The following BATF variants were observed in gnomAD, a reference collection of about 807,000 sequenced individuals.
BATF encodes the protein basic leucine zipper ATF-like transcription factor, also known as basic leucine zipper transcriptional factor ATF-like.
In BATF, 5 loss-of-function variants were observed where a neutral mutation model predicts 13.7. The observed-to-expected ratio is 0.36, with a 90% CI of 0.19 to 0.77. The LOEUF is 0.77. BATF is among the 30% of genes least tolerant of loss of function. The probability of loss-of-function intolerance (pLI) is 0.51; values close to 1 mark genes in which losing one functional copy is unlikely to be tolerated. For missense variants in BATF, 124 were observed against 163.0 expected (o/e 0.76, Z 1.30); for synonymous variants, 72 against 67.5 (o/e 1.07, Z -0.33).
intron 2 of BATF, among the ~76,000 whole-genome samples, chr14:75,539,989 G>A (rs775522995): frequency 1.3e-5 from 2 of 152,142 alleles, no homozygotes; most frequent in African/African-American, 4.8e-5. Context: ...AGCTTCGAAC[G>A]CCACTTAAGT....
chr14:75,530,551 A>T (rs566719960), intron 2 of BATF, among the ~76,000 whole-genome samples: 1 of 152,364 alleles, frequency 6.6e-6, no homozygotes, highest in African/African-American at 2.4e-5. Flanking sequence ...ATGTTAAAAT[A>T]ATGAGTTACA....
chr14:75,544,792 A>ATTTTTTTT (rs55834315), intron 2 of BATF, among the ~76,000 whole-genome samples: 4 of 134,208 alleles, frequency 3.0e-5, no homozygotes, highest in Non-Finnish European at 4.7e-5. Context: ...TTGAACTGAA[A>ATTTTTTTT]TTTTTTTTTT....
intron 2 of BATF, among the ~76,000 whole-genome samples, chr14:75,535,577 T>A (rs905103048): frequency 6.6e-6 from 1 of 152,238 alleles, no homozygotes; most frequent in African/African-American, 2.4e-5. Flanking sequence ...CTGAAGGAAC[T>A]CTGGAGGACA....
intron 2 of BATF, among the ~76,000 whole-genome samples, chr14:75,537,064 C>A (rs766207982): frequency 6.6e-6 from 1 of 152,160 alleles, no homozygotes; most frequent in East Asian, 1.9e-4. Context: ...TGCTTATAAA[C>A]TCTTTAAGGA....
At chr14:75,536,480 C>A (rs1397245706) in intron 2 of BATF, among the ~76,000 whole-genome samples, 1 of 152,106 alleles carries the variant, frequency 6.6e-6, no homozygotes, top group Non-Finnish European at 1.5e-5. Context: ...AATCCCAGCA[C>A]TTTGGGAGGC....
chr14:75,528,364 G>A (rs1203654637), intron 2 of BATF, among the ~76,000 whole-genome samples: 1 of 152,230 alleles, frequency 6.6e-6, no homozygotes, highest in Non-Finnish European at 1.5e-5. Context: ...TTCCTCTAGT[G>A]AGAGTGTGGG....
intron 2 of BATF, among the ~76,000 whole-genome samples, chr14:75,532,159 T>C (rs758691449): frequency 6.6e-5 from 10 of 152,240 alleles, no homozygotes; most frequent in Non-Finnish European, 4.4e-5. Flanking sequence ...AGCTTGTGAC[T>C]AGGTCTGTCT....
At chr14:75,546,002 G>A (rs1267734570) in intron 2 of BATF, among the ~76,000 whole-genome samples, 1 of 151,906 alleles carries the variant, frequency 6.6e-6, no homozygotes, top group African/African-American at 2.4e-5. Flanking sequence ...GGGACTACAG[G>A]CGCACTGCCA....
At chr14:75,545,376 C>T (rs1053485370) in intron 2 of BATF, among the ~76,000 whole-genome samples, 4 of 148,070 alleles carry the variant, frequency 2.7e-5, no homozygotes, top group Admixed American at 6.8e-5. Context: ...TGTGCACCAC[C>T]ACGCCTGGTT....
At chr14:75,528,494 A>T (rs1459731813) in intron 2 of BATF, among the ~76,000 whole-genome samples, 2 of 152,212 alleles carry the variant, frequency 1.3e-5, no homozygotes, top group Admixed American at 1.3e-4. Context: ...TGATTGTGTT[A>T]TAAATCCCTG....
Position 75,522,765 on chromosome 14 carries a change from C to G in BATF, c.63+20C>G, listed in dbSNP as rs746724656. The G allele has an allele frequency of 6.2e-7, 1 of 1,613,826 alleles. No individual in the cohort carries two copies. On this transcript the variant is annotated intron_variant, in intron 1 of 2. Coordinates refer to ENST00000286639, the MANE Select transcript of BATF (RefSeq NM_006399.5). ...AAACAGGTAGAGTCCTCCTTTTTCT[C>G]TCTCCTACCTTCTGATTCTCCTGGG...
intron 2 of BATF, among the ~76,000 whole-genome samples, chr14:75,541,652 A>AT (rs1887897900): frequency 6.6e-6 from 1 of 152,068 alleles, no homozygotes; most frequent in East Asian, 1.9e-4. Flanking sequence ...CCAAGGACTT[A>AT]TTTTTTTGTT....
At chr14:75,530,367 C>G (rs1398635686) in intron 2 of BATF, among the ~76,000 whole-genome samples, 1 of 152,196 alleles carries the variant, frequency 6.6e-6, no homozygotes, top group Non-Finnish European at 1.5e-5. Flanking sequence ...TGCGACTCAG[C>G]AATTTGACAT....
rs986849549 is a variant in BATF at position 75,546,849 on chromosome 14, G to A, written c.*178G>A. On this transcript the variant is annotated 3_prime_UTR_variant, in exon 3 of 3. Transcript: ENST00000286639. ...TGAGGCCTCCCAGCAGTGCCGCAGCGTTTCGAGGGGCGTGTGCTGGACCCC... is the reference window on the plus strand; with the variant it reads ...TGAGGCCTCCCAGCAGTGCCGCAGCATTTCGAGGGGCGTGTGCTGGACCCC... 6 of 875,130 alleles carry A rather than the reference G, an allele frequency of 6.9e-6. No homozygotes were observed. The highest frequency in any genetic ancestry group is 5.3e-5 in the East Asian group (2 of 37,976). 54.2% of individuals were successfully genotyped at this position (875,130 alleles called of 1,614,324 possible). A position where few individuals can be genotyped will look rare whatever the true frequency, so the allele number is the denominator to read the frequency against.
At chr14:75,542,225 C>G (rs114226481) in intron 2 of BATF, among the ~76,000 whole-genome samples, 1,554 of 152,340 alleles carry the variant, frequency 0.01, 32 homozygotes, top group African/African-American at 0.034. Flanking sequence ...GTCCCAGGGT[C>G]TCAGTTGTCC....
rs774813079 is a variant in BATF at position 75,546,987 on chromosome 14, A to G, written c.*316A>G. On this transcript the variant is annotated 3_prime_UTR_variant, in exon 3 of 3. Coordinates refer to ENST00000286639, the MANE Select transcript of BATF (RefSeq NM_006399.5). Reference sequence around the variant, plus strand: ...TTATTTTTCTAAATAAATGCTTTAAAAGAAACCAGTCTGACAAGGCAGTTT... The same window carrying G: ...TTATTTTTCTAAATAAATGCTTTAAGAGAAACCAGTCTGACAAGGCAGTTT... 1.4e-6 allele frequency: 1 copy of G among 702,470 alleles called. No homozygotes were observed. Among genetic ancestry groups the G allele is most frequent in the South Asian group, 1.5e-5 (1 of 67,586 alleles). 43.5% of individuals were successfully genotyped at this position (702,470 alleles called of 1,614,324 possible).
At chr14:75,536,475 C>A (rs1887817882) in intron 2 of BATF, among the ~76,000 whole-genome samples, 1 of 152,106 alleles carries the variant, frequency 6.6e-6, no homozygotes, top group African/African-American at 2.4e-5. Flanking sequence ...CCTGTAATCC[C>A]AGCACTTTGG....
chr14:75,546,494 T>C lies in BATF; in HGVS notation c.201T>C (p.Ala67=), dbSNP rs964743661. 2.5e-6 allele frequency: 4 copies of C among 1,613,912 alleles called. No homozygotes were observed. The Admixed American group carries it at 5.0e-5, about 20-fold the overall frequency. Residue 67 remains alanine, a synonymous_variant, in exon 3 of 3, where the codon GCT becomes GCC. Transcript: ENST00000286639. ...ESEDLEKQNA[A]LRKEIKQLTE... is the part of the protein sequence containing the mutation. ...AAGACCTGGAGAAACAGAACGCGGC[T>C]CTACGCAAGGAGATCAAGCAGCTCA...
At chr14:75,526,516 G>A (rs1566765878) in intron 2 of BATF, among the ~76,000 whole-genome samples, 1 of 152,210 alleles carries the variant, frequency 6.6e-6, no homozygotes, top group Non-Finnish European at 1.5e-5. Flanking sequence ...TGTAGTTTTA[G>A]GGGAAATAAT....
Sources: gnomAD v4.1 joint callset for allele counts (sites outside exome capture counted in the v4.1 genomes callset) on GRCh38, gnomAD v4.1.1 for gene constraint, MANE v1.5 for transcripts, NCBI Gene and HGNC (gene_info 2026-07-23, HGNC 2026-07-21) for gene names.